Variants in CRYBG1 observed in about 807,000 individuals in gnomAD.
CRYBG1 encodes the protein crystallin beta-gamma domain containing 1, also known as beta/gamma crystallin domain-containing protein 1.
In CRYBG1, 139 loss-of-function variants were observed where a neutral mutation model predicts 189.2. That is an observed-to-expected ratio of 0.73 (90% CI 0.64 to 0.85). The LOEUF (loss-of-function observed/expected upper bound fraction) is 0.85, where lower values mean the gene tolerates loss of function less well. Ranked by LOEUF, CRYBG1 falls within the 40% of genes least tolerant of loss-of-function variation. CRYBG1 has a pLI of 0.00. For missense variants in CRYBG1, 2,611 were observed against 2,675.8 expected (o/e 0.98, Z 0.53); for synonymous variants, 1,023 against 1,017.1 (o/e 1.01, Z -0.11).
intron 2 of CRYBG1, among the ~76,000 whole-genome samples, chr6:106,460,271 G>A (rs1026206249): frequency 2.0e-5 from 3 of 152,040 alleles, no homozygotes; most frequent in African/African-American, 7.2e-5. Context: ...GATTACAGGC[G>A]TGAGCCACCG....
At chr6:106,522,735 G>A (rs957841871) in intron 4 of CRYBG1, among the ~76,000 whole-genome samples, 17 of 152,256 alleles carry the variant, frequency 1.1e-4, no homozygotes, top group African/African-American at 3.4e-4. Flanking sequence ...ACCTTTCCTC[G>A]TCTGTACAGG....
chr6:106,555,174 A>G (rs1774504107), intron 16 of CRYBG1, among the ~76,000 whole-genome samples: 1 of 97,694 alleles, frequency 1.0e-5, no homozygotes, highest in South Asian at 4.1e-4. Context: ...CCCCGCCACC[A>G]AAAGAAAAGA....
chr6:106,430,940 C>T (rs918561914), intron 1 of CRYBG1, among the ~76,000 whole-genome samples: 3 of 152,148 alleles, frequency 2.0e-5, no homozygotes, highest in African/African-American at 7.2e-5. Flanking sequence ...CGGCTCACTG[C>T]AACCACCACC....
rs1008237006 is a variant in CRYBG1, at chr6:106,520,946, G to A, written c.3738G>A (p.Leu1246=). The change falls in exon 4 of 22, where the codon TTG becomes TTA. Residue 1246 remains leucine, a synonymous_variant. Coordinates refer to ENST00000633556, the MANE Select transcript of CRYBG1 (RefSeq NM_001371242.2). ...RLEKSALFSS[L]LSSLPQDKIF... ...AAAAAAGTGCACTTTTCTCAAGCTTGTTATCTTCTTTACCACAAGACAAAA... is the reference window on the plus strand; with the variant it reads ...AAAAAAGTGCACTTTTCTCAAGCTTATTATCTTCTTTACCACAAGACAAAA... 6.2e-7 allele frequency: 1 copy of A among 1,614,144 alleles called. No individual in the cohort carries two copies.
intron 1 of CRYBG1, among the ~76,000 whole-genome samples, chr6:106,362,090 C>A (rs965841956): frequency 1.3e-5 from 2 of 150,498 alleles, no homozygotes; most frequent in South Asian, 4.3e-4. Flanking sequence ...CCTGCCTCAG[C>A]CCCCGAGTAG....
intron 8 of CRYBG1, among the ~76,000 whole-genome samples, chr6:106,538,733 A>G (rs945047576): frequency 6.6e-6 from 1 of 152,042 alleles, no homozygotes; most frequent in Admixed American, 6.6e-5. Flanking sequence ...TCTACTAAAA[A>G]AAAAATGCAA....
chr6:106,540,304 C>G (rs965035909), intron 9 of CRYBG1, among the ~76,000 whole-genome samples: 1 of 152,166 alleles, frequency 6.6e-6, no homozygotes, highest in Admixed American at 6.5e-5. Context: ...AGATGAGGCT[C>G]CCATTACAAA....
intron 2 of CRYBG1, among the ~76,000 whole-genome samples, chr6:106,494,210 A>AG (rs1772789952): frequency 6.8e-6 from 1 of 147,278 alleles, no homozygotes; most frequent in Non-Finnish European, 1.5e-5. Flanking sequence ...TGTGGTTGCC[A>AG]GAGGCTGGGG....
intron 3 of CRYBG1, among the ~76,000 whole-genome samples, chr6:106,515,151 G>A (rs1037425498): frequency 6.6e-6 from 1 of 152,200 alleles, no homozygotes; most frequent in African/African-American, 2.4e-5. Flanking sequence ...ACCAAGTGCT[G>A]AATGTTGAAA....
At chr6:106,508,127 C>A (rs1773170070) in intron 2 of CRYBG1, among the ~76,000 whole-genome samples, 1 of 152,208 alleles carries the variant, frequency 6.6e-6, no homozygotes, top group Non-Finnish European at 1.5e-5. Flanking sequence ...CCTATAGTCT[C>A]AGCTACTTGG....
chr6:106,441,503 G>A (rs527924008), intron 1 of CRYBG1, among the ~76,000 whole-genome samples: 2 of 152,286 alleles, frequency 1.3e-5, no homozygotes, highest in South Asian at 2.1e-4. Context: ...TATCCCTGAC[G>A]TGTTGCTAAT....
At chr6:106,411,420 G>A (rs929587187) in intron 1 of CRYBG1, among the ~76,000 whole-genome samples, 4 of 152,074 alleles carry the variant, frequency 2.6e-5, no homozygotes, top group African/African-American at 7.2e-5. Flanking sequence ...TTCAGGACTC[G>A]GCAATTTTGA....
At chr6:106,505,331 G>A (rs1773107968) in intron 2 of CRYBG1, among the ~76,000 whole-genome samples, 2 of 151,988 alleles carry the variant, frequency 1.3e-5, no homozygotes, top group South Asian at 4.1e-4. Flanking sequence ...CTTGACCTCA[G>A]GATCTGCCCA....
chr6:106,446,970 G>A (rs1323010177), intron 1 of CRYBG1, among the ~76,000 whole-genome samples: 3 of 152,170 alleles, frequency 2.0e-5, no homozygotes, highest in Non-Finnish European at 4.4e-5. Flanking sequence ...GAATGAATTG[G>A]CAAATGTTCC....
Position 106,512,131 on chromosome 6 carries a change from C to A in CRYBG1, c.1014C>A (p.Gly338=), listed in dbSNP as rs1242299279. 2.6e-6 allele frequency: 4 copies of A among 1,534,272 alleles called. No individual in the cohort carries two copies. Among genetic ancestry groups the A allele is most frequent in the Non-Finnish European group, 2.6e-6 (3 of 1,145,986 alleles). ...PRNARSQPPK[G]ASDLPGEPPA... The stretch of plus-strand genomic sequence containing the variant: ...ACGCCCGCAGCCAGCCCCCCAAGGG[C>A]GCGTCTGATTTGCCAGGTGAGCCTC... The change falls in exon 3 of 22, where the codon GGC becomes GGA. Residue 338 remains glycine, a synonymous_variant. Transcript: ENST00000633556.
At chr6:106,374,657 G>C (rs1363064310) in intron 1 of CRYBG1, among the ~76,000 whole-genome samples, 2 of 152,172 alleles carry the variant, frequency 1.3e-5, no homozygotes, top group African/African-American at 2.4e-5. Context: ...AATTGTTACT[G>C]CTAAAGGAAT....
intron 18 of CRYBG1, 80 bp downstream of exon 18, chr6:106,558,705 G>A: frequency 8.3e-7 from 1 of 1,208,090 alleles, no homozygotes; most frequent in Non-Finnish European, 1.1e-6. Context: ...GCTCACGCCT[G>A]TATTCCCAAC....
At chr6:106,557,186 A>C (rs1774568446) in intron 17 of CRYBG1, among the ~76,000 whole-genome samples, 1 of 152,204 alleles carries the variant, frequency 6.6e-6, no homozygotes, top group African/African-American at 2.4e-5. Context: ...CAAAGTAGTA[A>C]TACTACTATA....
chr6:106,494,455 C>A (rs552651618), intron 2 of CRYBG1, among the ~76,000 whole-genome samples: 1 of 152,182 alleles, frequency 6.6e-6, no homozygotes, highest in East Asian at 1.9e-4. Context: ...ATCAACAATA[C>A]GCTGACATGA....
Sources: allele counts gnomAD v4.1 joint callset (sites outside exome capture counted in the v4.1 genomes callset), GRCh38; gene constraint gnomAD v4.1.1; transcripts MANE v1.5; gene names NCBI Gene and HGNC (gene_info 2026-07-23, HGNC 2026-07-21).